Variants in YIPF7 observed in about 807,000 individuals in gnomAD.
YIPF7 encodes the protein protein YIPF7.
A neutral mutation model predicts 27.2 loss-of-function variants in YIPF7; 35 were observed. The observed-to-expected ratio is 1.29, with a 90% confidence interval of 0.98 to 1.70. The LOEUF is 1.70. Ranked by LOEUF, YIPF7 falls within the 40% of genes most tolerant of loss-of-function variation. The pLI is 0.00. For synonymous variants in YIPF7, 137 were observed against 110.4 expected (o/e 1.24, Z -1.51); for missense variants, 358 against 303.7 (o/e 1.18, Z -1.33).
chr4:44,628,251 C>T (rs1712743438), intron 4 of YIPF7, among the ~76,000 whole-genome samples: 1 of 152,070 alleles, frequency 6.6e-6, no homozygotes, highest in East Asian at 1.9e-4. Context: ...GATGTTATCG[C>T]TAAATACTAT....
chr4:44,661,107 C>T (rs1196330264), intron 1 of YIPF7, among the ~76,000 whole-genome samples: 1 of 152,164 alleles, frequency 6.6e-6, no homozygotes, highest in Non-Finnish European at 1.5e-5. Flanking sequence ...GATTTGAAAA[C>T]AGAATAGTTT....
At chr4:44,625,102 T>A (rs1040001315) in intron 4 of YIPF7, among the ~76,000 whole-genome samples, 10 of 152,338 alleles carry the variant, frequency 6.6e-5, no homozygotes, top group African/African-American at 2.4e-4. Flanking sequence ...TTTGTTCCCA[T>A]ATTTATTAAA....
intron 4 of YIPF7, among the ~76,000 whole-genome samples, 153 bp from the exon 5 acceptor site, chr4:44,624,935 A>T (rs1712578814): frequency 6.6e-6 from 1 of 152,148 alleles, no homozygotes; most frequent in South Asian, 2.1e-4. Context: ...TCTGGGAAAA[A>T]CATGGCCAAT....
At chr4:44,628,525 G>A (rs766346150) in intron 4 of YIPF7, among the ~76,000 whole-genome samples, 5 of 152,048 alleles carry the variant, frequency 3.3e-5, no homozygotes, top group Non-Finnish European at 7.4e-5. Context: ...TATTTCCTCT[G>A]CCTGGTTTAT....
intron 2 of YIPF7, among the ~76,000 whole-genome samples, chr4:44,640,164 C>T (rs934226801): frequency 2.0e-5 from 3 of 152,016 alleles, no homozygotes; most frequent in Non-Finnish European, 2.9e-5. Context: ...TTGTTGTGTC[C>T]TTGTCTGGTT....
At chr4:44,646,351 T>C (rs1713525827) in intron 2 of YIPF7, among the ~76,000 whole-genome samples, 1 of 152,192 alleles carries the variant, frequency 6.6e-6, no homozygotes, top group Non-Finnish European at 1.5e-5. Context: ...CTGGTTGGTC[T>C]AGCTGGGTAC....
Position 44,629,508 on chromosome 4 carries a change from C to T in YIPF7, c.321G>A (p.Leu107=). 6.4e-7 allele frequency: 1 copy of T among 1,572,092 alleles called. No homozygotes were observed. Among genetic ancestry groups the T allele is most frequent in the Non-Finnish European group, 8.6e-7 (1 of 1,157,756 alleles). Residue 107 remains leucine (L), a synonymous_variant, in exon 4 of 6, where the codon TTG becomes TTA. Coordinates refer to ENST00000415895, the MANE Select transcript of YIPF7 (RefSeq NM_182592.3). Reference sequence around the variant, plus strand: ...CTGGCTTCATTGGGTTTAACACTGTCAAAGTTTTTTGCCATATGTGATCAA... The same window carrying T: ...CTGGCTTCATTGGGTTTAACACTGTTAAAGTTTTTTGCCATATGTGATCAA... ...IHFDHIWQKT[L]TVLNPMKPVD...
intron 4 of YIPF7, 35 bp from the exon 5 acceptor site, chr4:44,624,817 A>C (rs939624291): frequency 1.9e-6 from 3 of 1,565,868 alleles, no homozygotes; most frequent in African/African-American, 2.7e-5. Flanking sequence ...GTTTGAACAC[A>C]CAATGGACAC....
At chr4:44,626,271 C>T (rs894450514) in intron 4 of YIPF7, among the ~76,000 whole-genome samples, 8 of 152,196 alleles carry the variant, frequency 5.3e-5, no homozygotes, top group African/African-American at 1.9e-4. Flanking sequence ...GACATGCTAA[C>T]AGAAATACAT....
intron 1 of YIPF7, among the ~76,000 whole-genome samples, chr4:44,662,188 C>T (rs6447366): frequency 0.53 from 80,291 of 151,998 alleles, 22,572 homozygotes; most frequent in Non-Finnish European, 0.64. Context: ...TATACTGTTT[C>T]TTCCTATACA....
Position 44,635,938 on chromosome 4 carries a change from C to T in YIPF7, c.264G>A (p.Glu88=), listed in dbSNP as rs1173550116. The part of the protein sequence containing the change: ...QSPYIDSFDE[E]PPLLEELGIH... ...TTAACTTATCTTCTAGCAAAGGAGG[C>T]TCTTCATCAAAACTGTCAATGTAAG... The change falls in exon 3 of 6, where the codon GAG becomes GAA. Residue 88 remains glutamate, a synonymous_variant. Coordinates refer to ENST00000415895, the MANE Select transcript of YIPF7 (RefSeq NM_182592.3). The T allele has an allele frequency of 3.7e-6, 6 of 1,613,704 alleles. No homozygotes were observed. The highest frequency in any genetic ancestry group is 3.3e-5 in the South Asian group (3 of 91,042).
intron 2 of YIPF7, among the ~76,000 whole-genome samples, chr4:44,658,477 G>A (rs918520952): frequency 6.6e-6 from 1 of 152,052 alleles, no homozygotes; most frequent in African/African-American, 2.4e-5. Flanking sequence ...ATGGTTCTAC[G>A]CATCCTGGGA....
chr4:44,661,256 C>T (rs573742246), intron 1 of YIPF7, among the ~76,000 whole-genome samples: 87 of 152,302 alleles, frequency 5.7e-4, no homozygotes, highest in Non-Finnish European at 9.8e-4. Context: ...TTTGTTAAGA[C>T]TTCAGACAGA....
At chr4:44,636,580 C>T (rs1210762505) in intron 2 of YIPF7, among the ~76,000 whole-genome samples, 2 of 151,764 alleles carry the variant, frequency 1.3e-5, no homozygotes, top group African/African-American at 4.8e-5. Flanking sequence ...TGGAAGCAGC[C>T]AGGAAAAAAT....
At chr4:44,624,846 T>G in intron 4 of YIPF7, 64 bp from the exon 5 acceptor site, 1 of 1,451,382 alleles carries the variant, frequency 6.9e-7, no homozygotes, top group Non-Finnish European at 9.3e-7. Context: ...AATCTGAATA[T>G]CATGAAGCAG....
chr4:44,650,532 CTT>C (rs1713700353), intron 1 of YIPF7, among the ~76,000 whole-genome samples: 3 of 151,698 alleles, frequency 2.0e-5, no homozygotes, highest in South Asian at 2.1e-4. Context: ...CACACACACA[CTT>C]GTACCAAGGA....
At position 44,632,944 on chromosome 4, in the gene YIPF7, C is replaced by T. The variant is rs187736477; in HGVS notation, c.280+2978G>A. On this transcript the variant is annotated intron_variant, in intron 3 of 5. Coordinates refer to ENST00000415895, the MANE Select transcript of YIPF7 (RefSeq NM_182592.3). Reference sequence around the variant, plus strand: ...GCCCATGGCCTGTTAGGAACCGGGCCGCACAGCAGGAGGTGGAGGTGAGCA... The same window carrying T: ...GCCCATGGCCTGTTAGGAACCGGGCTGCACAGCAGGAGGTGGAGGTGAGCA... 4.3e-4 allele frequency among the ~76,000 whole-genome samples: 66 copies of T among 152,292 alleles called. 1 individual carries two copies. In the East Asian group the frequency reaches 0.012, roughly 27 times the overall value.
At chr4:44,638,245 T>G (rs1352494042) in intron 2 of YIPF7, among the ~76,000 whole-genome samples, 1 of 151,046 alleles carries the variant, frequency 6.6e-6, no homozygotes, top group Non-Finnish European at 1.5e-5. Flanking sequence ...TTGTTGGCTG[T>G]TTTTATTGCC....
At position 44,649,980 on chromosome 4, in the gene YIPF7, C is replaced by G. The variant is rs546043638; in HGVS notation, c.116+5G>C. 1.2e-5 allele frequency: 17 copies of G among 1,385,056 alleles called. No homozygotes were observed. The South Asian group carries it at 2.3e-4, about 19-fold the overall frequency. The allele number at this position is 1,385,056 out of a possible 1,614,324, so 85.8% of individuals were successfully genotyped here. ...AAAAAAAAAAGAAAAATATTAAGTA[C>G]TTACTTTCTAGATCCATAAAGATTT... On this transcript the variant is annotated splice_donor_5th_base_variant and intron_variant, in intron 2 of 5. Coordinates refer to ENST00000415895, the MANE Select transcript of YIPF7 (RefSeq NM_182592.3).
Sources: allele counts gnomAD v4.1 joint callset (sites outside exome capture counted in the v4.1 genomes callset), GRCh38; gene constraint gnomAD v4.1.1; transcripts MANE v1.5; gene names NCBI Gene and HGNC (gene_info 2026-07-23, HGNC 2026-07-21).